XKR4: variants seen among roughly 807,000 people sequenced by gnomAD.
The protein encoded by XKR4 is XK related 4.
Under a neutral mutation model 53.9 loss-of-function variants are expected in XKR4, and 12 were observed. The observed-to-expected ratio is 0.22, with a 90% CI of 0.14 to 0.36. The LOEUF (loss-of-function observed/expected upper bound fraction) is 0.36, where lower values mean the gene tolerates loss of function less well. XKR4 is among the 10% of genes least tolerant of loss of function. The pLI, the probability that XKR4 is intolerant of heterozygous loss-of-function variation, is 1.00. For synonymous variants in XKR4, 354 were observed against 362.4 expected (o/e 0.98, Z 0.26); for missense variants, 799 against 859.5 (o/e 0.93, Z 0.88).
At chr8:55,276,432 A>G (rs1298660800) in intron 1 of XKR4, among the ~76,000 whole-genome samples, 1 of 152,252 alleles carries the variant, frequency 6.6e-6, no homozygotes, top group Non-Finnish European at 1.5e-5. Flanking sequence ...CAATACAACA[A>G]TAGCGATAAC....
intron 1 of XKR4, among the ~76,000 whole-genome samples, chr8:55,197,903 TA>T (rs1304433325): frequency 6.6e-6 from 1 of 152,168 alleles, no homozygotes. Context: ...AAAATTACAG[TA>T]AAAAATTTTC....
intron 1 of XKR4, among the ~76,000 whole-genome samples, chr8:55,234,804 G>A (rs192296768): frequency 6.6e-6 from 1 of 152,252 alleles, no homozygotes; most frequent in East Asian, 1.9e-4. Context: ...AACCAGGTGT[G>A]AGGCTCTAGG....
At chr8:55,496,792 T>C (rs1027616175) in intron 2 of XKR4, among the ~76,000 whole-genome samples, 3 of 152,240 alleles carry the variant, frequency 2.0e-5, no homozygotes, top group African/African-American at 7.2e-5. Context: ...ATTTTCCTAG[T>C]TCAACATTTC....
chr8:55,128,240 G>T (rs1816500995), intron 1 of XKR4, among the ~76,000 whole-genome samples: 1 of 152,162 alleles, frequency 6.6e-6, no homozygotes, highest in South Asian at 2.1e-4. Flanking sequence ...TCTCCAGGAT[G>T]TCAAGAACAG....
chr8:55,389,568 C>T (rs1450638169), intron 2 of XKR4, among the ~76,000 whole-genome samples: 1 of 152,108 alleles, frequency 6.6e-6, no homozygotes, highest in Non-Finnish European at 1.5e-5. Flanking sequence ...TGGAATAAAT[C>T]AATGGCAAAT....
chr8:55,432,767 A>G (rs1480658777), intron 2 of XKR4, among the ~76,000 whole-genome samples: 1 of 152,028 alleles, frequency 6.6e-6, no homozygotes, highest in Non-Finnish European at 1.5e-5. Flanking sequence ...CTTTTTCCCA[A>G]AAAAGTCTAC....
At chr8:55,298,773 T>G (rs1819137785) in intron 1 of XKR4, among the ~76,000 whole-genome samples, 1 of 152,356 alleles carries the variant, frequency 6.6e-6, no homozygotes, top group Non-Finnish European at 1.5e-5. Context: ...TGTATATGTA[T>G]GTACATATAT....
At chr8:55,283,169 A>G (rs1043321660) in intron 1 of XKR4, among the ~76,000 whole-genome samples, 1 of 152,192 alleles carries the variant, frequency 6.6e-6, no homozygotes, top group African/African-American at 2.4e-5. Context: ...GAAATTGCCT[A>G]ATGATGCAAT....
At chr8:55,464,636 G>A (rs1479131963) in intron 2 of XKR4, among the ~76,000 whole-genome samples, 2 of 152,092 alleles carry the variant, frequency 1.3e-5, no homozygotes, top group Admixed American at 6.5e-5. Context: ...TTCAGGCCAG[G>A]GCAATCAGGC....
At chr8:55,342,498 C>G (rs927865560) in intron 1 of XKR4, among the ~76,000 whole-genome samples, 18 of 152,152 alleles carry the variant, frequency 1.2e-4, no homozygotes, top group Non-Finnish European at 2.5e-4. Flanking sequence ...ACAGTCCACA[C>G]AGTGCCCACC....
At chr8:55,146,447 G>A (rs1005668071) in intron 1 of XKR4, among the ~76,000 whole-genome samples, 1 of 152,220 alleles carries the variant, frequency 6.6e-6, no homozygotes, top group Admixed American at 6.5e-5. Flanking sequence ...TTTTCTAGAA[G>A]AGTGCTTTCC....
intron 2 of XKR4, chr8:55,453,173 G>T: frequency 2.0e-6 from 1 of 505,594 alleles, no homozygotes; most frequent in Non-Finnish European, 4.0e-6. Context: ...ACGTGCTCCT[G>T]CACAGAGCTG....
chr8:55,422,378 G>A (rs951272421), intron 2 of XKR4, among the ~76,000 whole-genome samples: 3 of 152,226 alleles, frequency 2.0e-5, no homozygotes, highest in Non-Finnish European at 2.9e-5. Flanking sequence ...TATGGGTAGA[G>A]CACTGGGGAT....
rs771129861 is a variant in XKR4 at position 55,523,894 on chromosome 8, C to T, written c.1620C>T (p.Asp540=). 2.1e-5 allele frequency: 34 copies of T among 1,614,190 alleles called. No homozygotes were observed. Among genetic ancestry groups the T allele is most frequent in the Non-Finnish European group, 2.8e-5 (33 of 1,180,028 alleles). ...CCGCTGCCTTCACTTTGCCCCCAGA[C>T]GTGGCCACAAGCACCCTACGGTCCA... The part of the protein sequence containing the change: ...DPAAAFTLPP[D]VATSTLRSIS... The change falls in exon 3 of 3, where the codon GAC becomes GAT. Residue 540 remains aspartate (D), a synonymous_variant. Transcript: ENST00000327381.
chr8:55,171,844 C>A (rs553747772), intron 1 of XKR4, among the ~76,000 whole-genome samples: 1 of 152,242 alleles, frequency 6.6e-6, no homozygotes, highest in African/African-American at 2.4e-5. Flanking sequence ...GAGTCCAGAT[C>A]CCCATCGTCC....
intron 1 of XKR4, among the ~76,000 whole-genome samples, chr8:55,255,667 A>G (rs1818429044): frequency 6.6e-6 from 1 of 152,190 alleles, no homozygotes; most frequent in African/African-American, 2.4e-5. Context: ...ATGTACAAGA[A>G]TTGTAATTAA....
intron 2 of XKR4, among the ~76,000 whole-genome samples, chr8:55,443,530 TAAAAAAAAAAA>T (rs751152509): frequency 5.5e-4 from 41 of 74,012 alleles, no homozygotes; most frequent in African/African-American, 2.1e-3. Context: ...TCAGTTACAT[TAAAAAAAAAAA>T]AAAAAAAAAA....
At chr8:55,138,564 A>G (rs376562631) in intron 1 of XKR4, among the ~76,000 whole-genome samples, 2 of 152,364 alleles carry the variant, frequency 1.3e-5, no homozygotes, top group East Asian at 3.9e-4. Flanking sequence ...CTAAAGCATG[A>G]TGTCTAAAAA....
chr8:55,276,895 A>G (rs1818772710), intron 1 of XKR4, among the ~76,000 whole-genome samples: 1 of 152,220 alleles, frequency 6.6e-6, no homozygotes, highest in Admixed American at 6.5e-5. Flanking sequence ...AGTCAGACAA[A>G]CGAAAAGATA....
Sources: allele counts gnomAD v4.1 joint callset (sites outside exome capture counted in the v4.1 genomes callset), GRCh38; gene constraint gnomAD v4.1.1; transcripts MANE v1.5; gene names NCBI Gene and HGNC (gene_info 2026-07-23, HGNC 2026-07-21).